The following NFIA variants were observed in gnomAD, a reference collection of about 807,000 sequenced individuals.
NFIA encodes nuclear factor I A, also known as nuclear factor 1 A-type.
NFIA carries 8 observed loss-of-function variants against 62.8 expected under a neutral mutation model. The observed-to-expected ratio is 0.13, with a 90% CI of 0.07 to 0.23. NFIA has a LOEUF of 0.23. Among genes scored for constraint, NFIA ranks in the 10% least tolerant of loss-of-function variants. The pLI is 1.00. For synonymous variants in NFIA, 235 were observed against 238.1 expected, an observed-to-expected ratio of 0.99 and a Z score of 0.12; for missense variants, 410 against 642.1, an observed-to-expected ratio of 0.64 and a Z score of 3.91.
intron 2 of NFIA, among the ~76,000 whole-genome samples, chr1:61,183,342 T>G (rs1457942351): frequency 6.6e-6 from 1 of 152,164 alleles, no homozygotes; most frequent in Non-Finnish European, 1.5e-5. Flanking sequence ...CTTATCTAGG[T>G]AGTTTCAAGG....
At chr1:61,224,673 A>G (rs1219382927) in intron 2 of NFIA, among the ~76,000 whole-genome samples, 2 of 151,742 alleles carry the variant, frequency 1.3e-5, no homozygotes, top group East Asian at 3.9e-4. Context: ...GTGGTGGGGG[A>G]CTCTGTCTCA....
chr1:61,388,116 T>C (rs1402431912), intron 7 of NFIA, among the ~76,000 whole-genome samples: 2 of 152,202 alleles, frequency 1.3e-5, no homozygotes, highest in African/African-American at 2.4e-5. Context: ...ATCTGTACCA[T>C]GGGGACAATA....
intron 2 of NFIA, among the ~76,000 whole-genome samples, chr1:61,201,361 ATTCTTT>A (rs1463028086): frequency 1.3e-5 from 2 of 152,142 alleles, no homozygotes; most frequent in African/African-American, 2.4e-5. Context: ...TTAAAATGTA[ATTCTTT>A]TTCTTTTTCT....
intron 4 of NFIA, among the ~76,000 whole-genome samples, chr1:61,335,485 G>C (rs1661553605): frequency 6.6e-6 from 1 of 152,184 alleles, no homozygotes; most frequent in African/African-American, 2.4e-5. Context: ...AACCGTTTCA[G>C]AACTATGGTG....
intron 2 of NFIA, among the ~76,000 whole-genome samples, chr1:61,161,100 C>A (rs143364312): frequency 6.6e-6 from 1 of 151,970 alleles, no homozygotes; most frequent in East Asian, 1.9e-4. Context: ...TTTTTAGTAG[C>A]GATGGGATTT....
intron 2 of NFIA, among the ~76,000 whole-genome samples, chr1:61,238,211 C>G (rs1655115970): frequency 1.3e-5 from 2 of 152,148 alleles, no homozygotes; most frequent in African/African-American, 4.8e-5. Context: ...AAGAAGTTAG[C>G]TCTTTAAAAA....
rs1176399144 is a variant in NFIA, at chr1:61,334,533, A to ATGTGTGTGTGTGTGTG, written c.700+1948_700+1949insGTGTGTGTGTGTGTGT. Among the ~76,000 whole-genome samples the ATGTGTGTGTGTGTGTG allele has an allele frequency of 7.5e-3, 67 of 8,906 alleles. 8 individuals carry two copies. Among genetic ancestry groups the ATGTGTGTGTGTGTGTG allele is most frequent in the South Asian group, 0.04 (6 of 150 alleles). 5.8% of individuals were successfully genotyped at this position (8,906 alleles called of 152,430 possible). ...ATGGGGAGTATTTGTGTGTGTGTAT[A>ATGTGTGTGTGTGTGTG]TATGTGTGTGTGTGTGTGTGTGTAT... On this transcript the variant is annotated intron_variant, in intron 4 of 10. Transcript: ENST00000403491.
chr1:61,253,687 G>A (rs1429315048), intron 2 of NFIA, among the ~76,000 whole-genome samples: 3 of 152,134 alleles, frequency 2.0e-5, no homozygotes, highest in African/African-American at 7.2e-5. Flanking sequence ...AACCCTAATA[G>A]CCAAAGGACT....
chr1:61,160,047 A>G (rs982049790), intron 2 of NFIA, among the ~76,000 whole-genome samples: 13 of 152,190 alleles, frequency 8.5e-5, no homozygotes, highest in African/African-American at 2.9e-4. Context: ...ATAGATACAG[A>G]CATTCTTTGG....
At chr1:61,313,207 A>G (rs1290149957) in intron 3 of NFIA, among the ~76,000 whole-genome samples, 1 of 152,202 alleles carries the variant, frequency 6.6e-6, no homozygotes, top group Admixed American at 6.5e-5. Flanking sequence ...GAACCACACT[A>G]TTAGACCATT....
chr1:61,329,459 T>C (rs1179757603), intron 3 of NFIA, among the ~76,000 whole-genome samples: 7 of 149,174 alleles, frequency 4.7e-5, no homozygotes, highest in African/African-American at 1.5e-4. Flanking sequence ...CTCGGCTCAC[T>C]GCAACCTCTG....
Position 61,435,170 on chromosome 1 carries a change from C to T in NFIA, c.1512+8614C>T, listed in dbSNP as rs527889120. The stretch of plus-strand genomic sequence containing the variant: ...TACTCACCAGGTTTCTCTGGGGGAA[C>T]AGGAGGAAAAGTCATGATTCAAGGA... On this transcript the variant is annotated intron_variant, in intron 10 of 10. Coordinates refer to ENST00000403491, the MANE Select transcript of NFIA (RefSeq NM_001134673.4). Among the ~76,000 whole-genome samples, 234 of 152,274 alleles carry T rather than the reference C, an allele frequency of 1.5e-3. 1 individual carries two copies. The highest frequency in any genetic ancestry group is 0.01 in the Middle Eastern group (3 of 294).
At chr1:61,154,994 G>A (rs1016862897) in intron 2 of NFIA, among the ~76,000 whole-genome samples, 4 of 152,152 alleles carry the variant, frequency 2.6e-5, no homozygotes, top group African/African-American at 9.7e-5. Flanking sequence ...GTTTAATTCT[G>A]TCTTGGTTAC....
chr1:61,272,689 T>G (rs544211084), intron 2 of NFIA, among the ~76,000 whole-genome samples: 1 of 152,220 alleles, frequency 6.6e-6, no homozygotes, highest in South Asian at 2.1e-4. Flanking sequence ...CTTATTACAC[T>G]CAGAGTGTAA....
At chr1:61,327,234 A>T (rs1318592822) in intron 3 of NFIA, among the ~76,000 whole-genome samples, 6 of 151,404 alleles carry the variant, frequency 4.0e-5, no homozygotes. Flanking sequence ...TACAGTATAT[A>T]TAAAAATATA....
intron 3 of NFIA, among the ~76,000 whole-genome samples, chr1:61,308,516 C>G (rs1659924798): frequency 6.6e-6 from 1 of 152,102 alleles, no homozygotes. Context: ...TGAAATAGAA[C>G]TGTTTTATAT....
At chr1:61,135,831 A>G (rs1012943027) in intron 2 of NFIA, among the ~76,000 whole-genome samples, 1 of 152,182 alleles carries the variant, frequency 6.6e-6, no homozygotes, top group African/African-American at 2.4e-5. Context: ...GGTTAATAAG[A>G]CAGTTTCGTC....
At chr1:61,094,989 A>C (rs1262584583) in intron 2 of NFIA, among the ~76,000 whole-genome samples, 1 of 152,214 alleles carries the variant, frequency 6.6e-6, no homozygotes, top group Non-Finnish European at 1.5e-5. Flanking sequence ...AAAACTGAGA[A>C]AAAGAAGTTC....
intron 1 of NFIA, among the ~76,000 whole-genome samples, chr1:61,083,926 C>T (rs1210985753): frequency 2.6e-5 from 4 of 152,102 alleles, no homozygotes; most frequent in Admixed American, 2.6e-4. Flanking sequence ...TGTCTACCCA[C>T]CCCCAGGCAA....
Sources: allele counts gnomAD v4.1 joint callset (sites outside exome capture counted in the v4.1 genomes callset), GRCh38; gene constraint gnomAD v4.1.1; transcripts MANE v1.5; gene names NCBI Gene and HGNC (gene_info 2026-07-23, HGNC 2026-07-21).